The following VTI1A variants were observed in gnomAD, a reference collection of about 807,000 sequenced individuals.
The protein encoded by VTI1A is vesicle transport through interaction with t-SNAREs 1A, also known as vesicle transport through interaction with t-SNAREs homolog 1A.
In VTI1A, 22 loss-of-function variants were observed where a neutral mutation model predicts 34.9. The observed-to-expected ratio is 0.63, with a 90% CI of 0.45 to 0.90. The LOEUF is 0.90. VTI1A is among the 40% of genes least tolerant of loss of function. VTI1A has a pLI of 0.00. For synonymous variants in VTI1A, 87 were observed against 97.3 expected, an observed-to-expected ratio of 0.89 and a Z score of 0.62; for missense variants, 268 against 275.6, an observed-to-expected ratio of 0.97 and a Z score of 0.20.
chr10:112,710,298 C>T (rs546547668), intron 7 of VTI1A, among the ~76,000 whole-genome samples: 1 of 151,184 alleles, frequency 6.6e-6, no homozygotes, highest in Non-Finnish European at 1.5e-5. Flanking sequence ...ACCTCTGCCT[C>T]CTGGGTTCAA....
At chr10:112,541,192 T>C (rs1219604277) in intron 5 of VTI1A, among the ~76,000 whole-genome samples, 1 of 152,208 alleles carries the variant, frequency 6.6e-6, no homozygotes, top group Non-Finnish European at 1.5e-5. Flanking sequence ...TCAAATTTTT[T>C]TTCAAATTTT....
At chr10:112,492,245 A>G (rs568413266) in intron 3 of VTI1A, among the ~76,000 whole-genome samples, 99 of 152,326 alleles carry the variant, frequency 6.5e-4, no homozygotes, top group African/African-American at 2.3e-3. Flanking sequence ...GTTGTCACTC[A>G]GTAAACCATA....
intron 5 of VTI1A, among the ~76,000 whole-genome samples, chr10:112,662,681 T>G (rs1179413727): frequency 2.6e-5 from 4 of 152,224 alleles, no homozygotes; most frequent in Non-Finnish European, 4.4e-5. Context: ...TATTCTTTTT[T>G]CCTGTTTTTT....
intron 5 of VTI1A, among the ~76,000 whole-genome samples, chr10:112,582,072 A>G (rs1163946442): frequency 6.6e-6 from 1 of 152,168 alleles, no homozygotes; most frequent in Admixed American, 6.5e-5. Context: ...GGCTTAAACA[A>G]CAGAAATTTA....
At chr10:112,489,354 C>G (rs532358752) in intron 3 of VTI1A, among the ~76,000 whole-genome samples, 1 of 152,276 alleles carries the variant, frequency 6.6e-6, no homozygotes, top group African/African-American at 2.4e-5. Flanking sequence ...GTTTCTCATC[C>G]TACTCTAAGT....
chr10:112,789,110 G>T (rs576903951), intron 7 of VTI1A, among the ~76,000 whole-genome samples: 6 of 152,020 alleles, frequency 3.9e-5, no homozygotes, highest in Non-Finnish European at 8.8e-5. Flanking sequence ...TTTTATATTT[G>T]CCTACATATT....
chr10:112,845,164 G>A, the VTI1A span, among the ~76,000 whole-genome samples: 30,326 of 152,220 alleles, frequency 0.2, 3,526 homozygotes, highest in Middle Eastern at 0.28. Context: ...ATGGTGGCCC[G>A]AGTCCACCAT....
At chr10:112,649,972 G>A (rs1202128431) in intron 5 of VTI1A, among the ~76,000 whole-genome samples, 1 of 152,156 alleles carries the variant, frequency 6.6e-6, no homozygotes, top group Non-Finnish European at 1.5e-5. Context: ...TGTAAAGGGC[G>A]AGGATATCAG....
intron 5 of VTI1A, among the ~76,000 whole-genome samples, chr10:112,574,727 C>T (rs1197311074): frequency 6.6e-6 from 1 of 152,160 alleles, no homozygotes; most frequent in Non-Finnish European, 1.5e-5. Flanking sequence ...AACATAAAAT[C>T]GAATGGACAT....
At chr10:112,669,865 G>A (rs550643754) in intron 7 of VTI1A, among the ~76,000 whole-genome samples, 7 of 152,232 alleles carry the variant, frequency 4.6e-5, no homozygotes, top group African/African-American at 1.4e-4. Flanking sequence ...TATGTTTGCC[G>A]TGTTACAGAC....
At chr10:112,546,153 A>G (rs1162436488) in intron 5 of VTI1A, among the ~76,000 whole-genome samples, 6 of 151,234 alleles carry the variant, frequency 4.0e-5, no homozygotes, top group Non-Finnish European at 8.8e-5. Context: ...GTGCGTATAT[A>G]TGTGTGTATA....
At chr10:112,838,106 G>C in the VTI1A span, among the ~76,000 whole-genome samples, 1 of 152,242 alleles carries the variant, frequency 6.6e-6, no homozygotes, top group Non-Finnish European at 1.5e-5. Flanking sequence ...TCCTGGCCTG[G>C]TACTGAGTGC....
intron 7 of VTI1A, among the ~76,000 whole-genome samples, chr10:112,732,649 G>A (rs1416090864): frequency 6.6e-6 from 1 of 152,174 alleles, no homozygotes; most frequent in African/African-American, 2.4e-5. Context: ...AGGGACTGTG[G>A]CTTTTGGAGA....
intron 3 of VTI1A, among the ~76,000 whole-genome samples, chr10:112,500,859 A>G (rs1849210677): frequency 6.6e-6 from 1 of 152,138 alleles, no homozygotes; most frequent in African/African-American, 2.4e-5. Context: ...GTTATTTTAT[A>G]CATGCTATGT....
intron 6 of VTI1A, among the ~76,000 whole-genome samples, chr10:112,668,671 T>A (rs1051282888): frequency 6.6e-6 from 1 of 152,176 alleles, no homozygotes; most frequent in African/African-American, 2.4e-5. Context: ...AATTACCAAA[T>A]GTATATGAAA....
chr10:112,527,169 A>C lies in VTI1A; in HGVS notation c.342+5A>C. 1 of 1,612,878 alleles carries C rather than the reference A, an allele frequency of 6.2e-7. No homozygotes were observed. ...GGGAATTCCTCAGAGAACCAGGTAG[A>C]ATGCTAATCAGGAAGGCCCGGTGGG... On this transcript the variant is annotated splice_donor_5th_base_variant and intron_variant, in intron 4 of 7. Transcript: ENST00000393077.
chr10:112,490,700 A>C (rs893944457), intron 3 of VTI1A, among the ~76,000 whole-genome samples: 8 of 151,628 alleles, frequency 5.3e-5, no homozygotes, highest in East Asian at 3.9e-4. Context: ...GCAGGATGAC[A>C]TGCCTCTTAG....
intron 5 of VTI1A, among the ~76,000 whole-genome samples, chr10:112,574,312 G>A (rs960892766): frequency 1.2e-4 from 18 of 152,304 alleles, no homozygotes; most frequent in African/African-American, 4.1e-4. Context: ...CTCAGAACAA[G>A]TGATTGTCCT....
At chr10:112,782,537 G>A (rs1169535098) in intron 7 of VTI1A, among the ~76,000 whole-genome samples, 2 of 152,250 alleles carry the variant, frequency 1.3e-5, no homozygotes, top group African/African-American at 4.8e-5. Flanking sequence ...CTAAAGAGCA[G>A]CTTGTAGTTG....
Sources: allele counts gnomAD v4.1 joint callset (sites outside exome capture counted in the v4.1 genomes callset), GRCh38; gene constraint gnomAD v4.1.1; transcripts MANE v1.5; gene names NCBI Gene and HGNC (gene_info 2026-07-23, HGNC 2026-07-21).